Variants in ITLN1 observed in about 807,000 individuals in gnomAD.
ITLN1 encodes the protein intelectin-1.
A neutral mutation model predicts 36.2 loss-of-function variants in ITLN1; 29 were observed. The ratio of observed to expected loss-of-function variants is 0.80; its 90% confidence interval spans 0.60 to 1.09. The LOEUF (loss-of-function observed/expected upper bound fraction) is 1.09. Among genes scored for constraint, ITLN1 ranks in the 50% least tolerant of loss-of-function variants. The pLI, the probability that ITLN1 is intolerant of heterozygous loss-of-function variation, is 0.00. For synonymous variants in ITLN1, 143 were observed against 146.5 expected (o/e 0.98, Z 0.17); for missense variants, 358 against 405.2 (o/e 0.88, Z 1.00).
At chr1:160,882,507 G>T (rs1484208748) in intron 3 of ITLN1, among the ~76,000 whole-genome samples, 1 of 152,184 alleles carries the variant, frequency 6.6e-6, no homozygotes, top group Admixed American at 6.5e-5. Flanking sequence ...TGAAAACAGG[G>T]CCTCAAGCTG....
chr1:160,878,113 A>G (rs569147232), intron 7 of ITLN1, among the ~76,000 whole-genome samples: 1 of 152,172 alleles, frequency 6.6e-6, no homozygotes, highest in South Asian at 2.1e-4. Flanking sequence ...AGTTGTGGCG[A>G]GCCTAGATCG....
At position 160,880,586 on chromosome 1, in the gene ITLN1, A is replaced by G. The variant is rs755627113; in HGVS notation, c.685+2T>C. On this transcript the variant is annotated splice_donor_variant, in intron 6 of 7. Coordinates refer to ENST00000326245, the MANE Select transcript of ITLN1 (RefSeq NM_017625.3). LOFTEE classifies it high-confidence loss of function. ...GAGTTCAGAGGATCATTAAAGACTC[A>G]CGCTGGCCATAGGGTGAGTAATAAG... is the stretch of plus-strand genomic sequence containing the variant. 1.4e-5 allele frequency: 22 copies of G among 1,613,842 alleles called. No homozygotes were observed. Among genetic ancestry groups the G allele is most frequent in the Non-Finnish European group, 1.8e-5 (21 of 1,179,952 alleles).
intron 6 of ITLN1, among the ~76,000 whole-genome samples, chr1:160,879,795 A>C (rs1401842186): frequency 6.6e-6 from 1 of 152,098 alleles, no homozygotes; most frequent in Non-Finnish European, 1.5e-5. Context: ...TAAAATCTCA[A>C]CTCCAAAATG....
At chr1:160,877,883 C>T (rs1454177731) in intron 7 of ITLN1, among the ~76,000 whole-genome samples, 5 of 152,146 alleles carry the variant, frequency 3.3e-5, no homozygotes, top group African/African-American at 4.8e-5. Flanking sequence ...AAGTATGCAG[C>T]ACCAGCCAGG....
chr1:160,879,597 G>A (rs1670645513), intron 6 of ITLN1, among the ~76,000 whole-genome samples, 183 bp from the exon 7 acceptor site: 1 of 152,150 alleles, frequency 6.6e-6, no homozygotes, highest in Non-Finnish European at 1.5e-5. Flanking sequence ...TAGCTAAGAG[G>A]GACCTTTTCC....
Position 160,884,856 on chromosome 1 carries a change from G to A in ITLN1, c.22C>T (p.Leu8=). 2 of 1,613,002 alleles carry A rather than the reference G, an allele frequency of 1.2e-6. No individual in the cohort carries two copies. The highest frequency in any genetic ancestry group is 1.7e-6 in the Non-Finnish European group (2 of 1,179,198). MNQLSFL[L]FLIATTRGWS... is the part of the protein sequence containing the mutation. ...CCTCTGGTGGTCGCTATGAGAAACA[G>A]CAGGAAGCTGAGTTGGTTCATTGTA... Residue 8 remains leucine, a synonymous_variant, in exon 2 of 8, where the codon CTG becomes TTG. Coordinates refer to ENST00000326245, the MANE Select transcript of ITLN1 (RefSeq NM_017625.3).
intron 4 of ITLN1, 127 bp downstream of exon 4, chr1:160,881,830 T>C: frequency 1.8e-6 from 2 of 1,127,676 alleles, no homozygotes; most frequent in Non-Finnish European, 1.2e-6. Context: ...AAAAAAGATA[T>C]AAGTATTTCT....
rs369179288 is a variant in ITLN1 at position 160,884,678 on chromosome 1, G to T, written c.58+142C>A. 7.9e-6 allele frequency: 5 copies of T among 636,122 alleles called. No individual in the cohort carries two copies. In the Admixed American group the frequency reaches 9.0e-5, roughly 12 times the overall value. 39.4% of individuals were successfully genotyped at this position (636,122 alleles called of 1,614,324 possible). ...CCTTCACTGCCACAGGCCAGATTCC[G>T]CCAGAGACCAGAAATCGGCACTCAG... is the stretch of plus-strand genomic sequence containing the variant. On this transcript the variant is annotated intron_variant, in intron 2 of 7. Transcript: ENST00000326245.
Position 160,881,265 on chromosome 1 carries a change from G to T in ITLN1, c.453C>A (p.His151Gln), listed in dbSNP as rs61734482. The change falls in exon 5 of 8, where the codon CAC becomes CAA. Residue 151 changes from histidine (H) to glutamine (Q), a missense_variant. Physicochemically the swap from His to Gln is conservative, Grantham distance 24. Transcript: ENST00000326245. Reference protein sequence around the residue: ...DIQAKDLGIWHVPNKSPMQHW... With the variant: ...DIQAKDLGIWQVPNKSPMQHW... Reference sequence around the variant, plus strand: ...GCTGCATGGGGGACTTATTGGGCACGTGCCAGATGCCCAGGTCCTTGGCCT... The same window carrying T: ...GCTGCATGGGGGACTTATTGGGCACTTGCCAGATGCCCAGGTCCTTGGCCT... 1 of 1,611,654 alleles carries T rather than the reference G, an allele frequency of 6.2e-7. No homozygotes were observed. The highest frequency in any genetic ancestry group is 8.5e-7 in the Non-Finnish European group (1 of 1,178,808).
At chr1:160,881,055 T>C in intron 5 of ITLN1, 99 bp downstream of exon 5, 2 of 1,335,490 alleles carry the variant, frequency 1.5e-6, no homozygotes, top group Non-Finnish European at 1.0e-6. Flanking sequence ...TAGAAGAACA[T>C]GGGAGACAGA....
intron 6 of ITLN1, 96 bp downstream of exon 6, chr1:160,880,492 G>A (rs2101909435): frequency 7.6e-7 from 1 of 1,320,450 alleles, no homozygotes; most frequent in Admixed American, 2.0e-5. Context: ...CATTACAGGA[G>A]AGAACCAAGC....
At chr1:160,878,389 T>C (rs1190083974) in intron 7 of ITLN1, among the ~76,000 whole-genome samples, 5 of 151,132 alleles carry the variant, frequency 3.3e-5, no homozygotes, top group South Asian at 2.1e-4. Context: ...TTCTTTCTTT[T>C]TTTTTTTTTT....
Position 160,880,593 on chromosome 1 carries a change from C to A in ITLN1, c.680G>T (p.Gly227Val). The A allele has an allele frequency of 6.2e-7, 1 of 1,613,982 alleles. No homozygotes were observed. Among genetic ancestry groups the A allele is most frequent in the Non-Finnish European group, 8.5e-7 (1 of 1,179,920 alleles). Residue 227 changes from glycine (G) to valine (V), a missense_variant, in exon 6 of 8, where the codon GGC becomes GTC. Physicochemically the swap from Gly to Val is moderately radical, Grantham distance 109. Transcript: ENST00000326245. ...QKTASYYSPYGQREFTAGFVQ... is the reference protein window; with the variant it reads ...QKTASYYSPYVQREFTAGFVQ... ...GAGGATCATTAAAGACTCACGCTGGCCATAGGGTGAGTAATAAGATGCTGT... is the reference window on the plus strand; with the variant it reads ...GAGGATCATTAAAGACTCACGCTGGACATAGGGTGAGTAATAAGATGCTGT...
chr1:160,881,662 C>A (rs909745159), intron 4 of ITLN1: 1 of 530,542 alleles, frequency 1.9e-6, no homozygotes, highest in Admixed American at 3.4e-5. Context: ...TACAAAAATT[C>A]GCTGAGTATG....
chr1:160,882,390 G>A, intron 3 of ITLN1, 186 bp from the exon 4 acceptor site: 1 of 560,686 alleles, frequency 1.8e-6, no homozygotes, highest in Non-Finnish European at 3.0e-6. Context: ...CTGTAACTGA[G>A]GCAGAACATA....
rs761632239 is a variant in ITLN1, at chr1:160,884,846, A to T, written c.32T>A (p.Ile11Lys). Reference sequence around the variant, plus strand: ...TGTACTCCATCCTCTGGTGGTCGCTATGAGAAACAGCAGGAAGCTGAGTTG... The same window carrying T: ...TGTACTCCATCCTCTGGTGGTCGCTTTGAGAAACAGCAGGAAGCTGAGTTG... MNQLSFLLFL[I>K]ATTRGWSTDE... Residue 11 changes from isoleucine (I) to lysine (K), a missense_variant, in exon 2 of 8, where the codon ATA becomes AAA. Ile to Lys is a moderately radical substitution (Grantham distance 102). Coordinates refer to ENST00000326245, the MANE Select transcript of ITLN1 (RefSeq NM_017625.3). 1.2e-6 allele frequency: 2 copies of T among 1,613,062 alleles called. No homozygotes were observed. The highest frequency in any genetic ancestry group is 1.7e-6 in the Non-Finnish European group (2 of 1,179,226).
chr1:160,880,756 C>T, intron 5 of ITLN1, 48 bp from the exon 6 acceptor site: 1 of 1,602,366 alleles, frequency 6.2e-7, no homozygotes, highest in Non-Finnish European at 8.5e-7. Context: ...ATAGCTTTGC[C>T]ATTACCAGCA....
intron 6 of ITLN1, among the ~76,000 whole-genome samples, chr1:160,880,241 G>A (rs962914539): frequency 6.6e-6 from 1 of 151,496 alleles, no homozygotes; most frequent in African/African-American, 2.4e-5. Flanking sequence ...GGAGGCACAA[G>A]TTGCAGTGAG....
At chr1:160,880,519 A>C in intron 6 of ITLN1, 69 bp downstream of exon 6, 1 of 1,530,008 alleles carries the variant, frequency 6.5e-7, no homozygotes. Flanking sequence ...CCGATGCATA[A>C]CTGTTACCTA....
Sources: allele counts gnomAD v4.1 joint callset (sites outside exome capture counted in the v4.1 genomes callset), GRCh38; gene constraint gnomAD v4.1.1; transcripts MANE v1.5; gene names NCBI Gene and HGNC (gene_info 2026-07-23, HGNC 2026-07-21).